The following DNA2 variants were observed in gnomAD, a reference collection of about 807,000 sequenced individuals.
DNA2 encodes the protein DNA replication helicase/nuclease 2.
A neutral mutation model predicts 119.1 loss-of-function variants in DNA2; 101 were observed. The observed-to-expected ratio is 0.85, with a 90% CI of 0.72 to 1.00. DNA2 has a LOEUF of 1.00. Ranked by LOEUF, DNA2 falls within the 50% of genes least tolerant of loss-of-function variation. The pLI is 0.00. For synonymous variants in DNA2, 366 were observed against 424.4 expected (o/e 0.86, Z 1.69); for missense variants, 1,121 against 1,255.5 (o/e 0.89, Z 1.62).
chr10:68,459,861 T>A (rs533151307), intron 4 of DNA2, among the ~76,000 whole-genome samples: 11 of 152,140 alleles, frequency 7.2e-5, no homozygotes, highest in Non-Finnish European at 1.3e-4. Flanking sequence ...ACGCTGTCTC[T>A]ACTAAAAACA....
At chr10:68,469,283 C>T (rs965552727) in intron 2 of DNA2, among the ~76,000 whole-genome samples, 14 of 150,498 alleles carry the variant, frequency 9.3e-5, no homozygotes, top group South Asian at 2.1e-4. Context: ...CGGTGGCTCA[C>T]GCCTGTAATC....
At chr10:68,451,280 A>G (rs10998177) in intron 5 of DNA2, among the ~76,000 whole-genome samples, 13,512 of 152,024 alleles carry the variant, frequency 0.089, 925 homozygotes, top group South Asian at 0.24. Context: ...GTCTCCCACT[A>G]TCAATATTTA....
chr10:68,416,774 C>A lies in DNA2; in HGVS notation c.3049G>T (p.Val1017Leu). Residue 1017 changes from valine (V) to leucine (L), a missense_variant, in exon 20 of 21, where the codon GTG becomes TTG. Coordinates refer to ENST00000358410, the MANE Select transcript of DNA2 (RefSeq NM_001080449.3). Reference protein sequence around the residue: ...AKHKLILLGCVPSLNCYPPLE... With the variant: ...AKHKLILLGCLPSLNCYPPLE... ...GGAGGATAGCAATTTAGTGAGGGCA[C>A]ACACCCCAGAAGAATCAGTTTATGT... 1 of 1,613,868 alleles carries A rather than the reference C, an allele frequency of 6.2e-7. No homozygotes were observed.
Position 68,442,969 on chromosome 10 carries a change from T to G in DNA2, c.1363A>C (p.Lys455Gln), listed in dbSNP as rs941410157. 2 of 1,612,692 alleles carry G rather than the reference T, an allele frequency of 1.2e-6. No homozygotes were observed. Among genetic ancestry groups the G allele is most frequent in the Non-Finnish European group, 1.7e-6 (2 of 1,179,540 alleles). The change falls in exon 9 of 21, where the codon AAG becomes CAG. Residue 455 changes from lysine (K) to glutamine (Q), a missense_variant. By Grantham distance (53) the Lys-to-Gln change is moderately conservative. Coordinates refer to ENST00000358410, the MANE Select transcript of DNA2 (RefSeq NM_001080449.3). ...TTTTGGTGATTCTTTTTATTATCCT[T>G]CGATTGTGACTCCAGGGTTAACATT... is the stretch of plus-strand genomic sequence containing the variant. The part of the protein sequence containing the change: ...CLMLTLESQS[K>Q]DNKKNHQNIW...
chr10:68,419,134 C>T lies in DNA2; in HGVS notation c.2867G>A (p.Arg956His), dbSNP rs747301191. 11 of 1,613,152 alleles carry T rather than the reference C, an allele frequency of 6.8e-6. No individual in the cohort carries two copies. The East Asian group carries it at 1.6e-4, about 23-fold the overall frequency. The change falls in exon 19 of 21, where the codon CGT becomes CAT. Residue 956 changes from arginine (R) to histidine (H), a missense_variant. Coordinates refer to ENST00000358410, the MANE Select transcript of DNA2 (RefSeq NM_001080449.3). ...QLKIINDLLARSIGMVEVNTV... is the reference protein window; with the variant it reads ...QLKIINDLLAHSIGMVEVNTV... ...ATTAACTTCGACCATCCCAATAGAACGTGCCAATAAATCATTGATGATCTT... is the reference window on the plus strand; with the variant it reads ...ATTAACTTCGACCATCCCAATAGAATGTGCCAATAAATCATTGATGATCTT...
At chr10:68,467,898 C>T (rs2052345231) in intron 3 of DNA2, among the ~76,000 whole-genome samples, 1 of 152,134 alleles carries the variant, frequency 6.6e-6, no homozygotes, top group Admixed American at 6.6e-5. Context: ...ATTCGAAGGA[C>T]TCAGGCACCT....
intron 4 of DNA2, among the ~76,000 whole-genome samples, chr10:68,465,389 C>T (rs1564898234): frequency 6.6e-6 from 1 of 152,098 alleles, no homozygotes; most frequent in Non-Finnish European, 1.5e-5. Context: ...CACACTGTTT[C>T]TAGAACTAAT....
chr10:68,438,944 A>T (rs900738644), intron 9 of DNA2, among the ~76,000 whole-genome samples: 4 of 150,704 alleles, frequency 2.7e-5, no homozygotes, highest in African/African-American at 9.7e-5. Flanking sequence ...GAGGCAGGAG[A>T]ATCACTTGAA....
In DNA2 at chr10:68,432,100, G is replaced by T. The variant is rs933127553; in HGVS notation, c.1873+106C>A. On this transcript the variant is annotated intron_variant, in intron 12 of 20. Transcript: ENST00000358410. ...TACAAAACCATTTCCAAAGAGTCTT[G>T]GTCTAAACATTGTAGTTGCAAGTCT... 27 of 1,104,400 alleles carry T rather than the reference G, an allele frequency of 2.4e-5. No individual in the cohort carries two copies. The African/African-American group carries it at 3.6e-4, about 15-fold the overall frequency. 68.4% of individuals were successfully genotyped at this position (1,104,400 alleles called of 1,614,324 possible).
At chr10:68,432,964 G>C (rs1468025374) in intron 10 of DNA2, among the ~76,000 whole-genome samples, 1 of 151,926 alleles carries the variant, frequency 6.6e-6, no homozygotes, top group Non-Finnish European at 1.5e-5. Flanking sequence ...TTGCTCCAGG[G>C]TCCCAGGCCC....
rs546462045 is a variant in DNA2, at chr10:68,450,607, T to C, written c.720-360A>G. Among the ~76,000 whole-genome samples, 4 of 152,322 alleles carry C rather than the reference T, an allele frequency of 2.6e-5. No homozygotes were observed. In the East Asian group the frequency reaches 7.7e-4, roughly 29 times the overall value. On this transcript the variant is annotated intron_variant, in intron 5 of 20. Coordinates refer to ENST00000358410, the MANE Select transcript of DNA2 (RefSeq NM_001080449.3). ...AGTCTTTCTTGGTATTTATCATCTGTTCCTTTCAGTCATTCCTACTATAAT... is the reference window on the plus strand; with the variant it reads ...AGTCTTTCTTGGTATTTATCATCTGCTCCTTTCAGTCATTCCTACTATAAT...
chr10:68,441,754 G>A (rs2051971529), intron 9 of DNA2, among the ~76,000 whole-genome samples: 1 of 152,026 alleles, frequency 6.6e-6, no homozygotes, highest in South Asian at 2.1e-4. Flanking sequence ...CAGCCTGGGT[G>A]ACAGAGTGAG....
intron 10 of DNA2, among the ~76,000 whole-genome samples, chr10:68,434,475 C>G (rs865900218): frequency 6.6e-6 from 1 of 151,672 alleles, no homozygotes; most frequent in African/African-American, 2.4e-5. Flanking sequence ...TAGTGAGACC[C>G]CCCCCATCTC....
At chr10:68,442,707 T>C (rs2051986078) in intron 9 of DNA2, among the ~76,000 whole-genome samples, 1 of 152,240 alleles carries the variant, frequency 6.6e-6, no homozygotes, top group African/African-American at 2.4e-5. Flanking sequence ...TGAAACTATA[T>C]TACTAACTAG....
At chr10:68,467,207 G>C (rs1000764706) in intron 3 of DNA2, among the ~76,000 whole-genome samples, 17 of 151,876 alleles carry the variant, frequency 1.1e-4, no homozygotes, top group African/African-American at 3.9e-4. Flanking sequence ...TCCGCCTCCA[G>C]GGTTCAAGCA....
At chr10:68,469,337 G>A (rs2052360343) in intron 2 of DNA2, among the ~76,000 whole-genome samples, 1 of 149,946 alleles carries the variant, frequency 6.7e-6, no homozygotes, top group Non-Finnish European at 1.5e-5. Flanking sequence ...CGAGGTCAGG[G>A]GATTCGAGAC....
At position 68,415,109 on chromosome 10, in the gene DNA2, T is replaced by A; in HGVS notation, c.3115-2A>T. On this transcript the variant is annotated splice_acceptor_variant, in intron 20 of 20. Transcript: ENST00000358410. LOFTEE classifies it high-confidence loss of function. ...TTCTCTTGATGGAAGATCAATGATG[T>A]AAAATAAATTAAGGAAGAAATATTT... is the stretch of plus-strand genomic sequence containing the variant. The A allele has an allele frequency of 6.5e-7, 1 of 1,537,020 alleles. No individual in the cohort carries two copies. Among genetic ancestry groups the A allele is most frequent in the Non-Finnish European group, 8.9e-7 (1 of 1,128,794 alleles).
At chr10:68,469,390 CAAAAAA>C (rs71019005) in intron 2 of DNA2, among the ~76,000 whole-genome samples, 17,755 of 76,180 alleles carry the variant, frequency 0.23, 1,072 homozygotes, top group East Asian at 0.36. Flanking sequence ...ACTAAAAATA[CAAAAAA>C]AAAAAAAAAA....
Position 68,416,697 on chromosome 10 carries a change from G to T in DNA2, c.3114+12C>A, listed in dbSNP as rs939056222. On this transcript the variant is annotated intron_variant, in intron 20 of 20. Coordinates refer to ENST00000358410, the MANE Select transcript of DNA2 (RefSeq NM_001080449.3). Reference sequence around the variant, plus strand: ...CAATCAAATGTGACCATATACAGAAGAAAAAGGATATTAATTTTTCTGAGT... The same window carrying T: ...CAATCAAATGTGACCATATACAGAATAAAAAGGATATTAATTTTTCTGAGT... 6.2e-7 allele frequency: 1 copy of T among 1,609,278 alleles called. No homozygotes were observed. Among genetic ancestry groups the T allele is most frequent in the Non-Finnish European group, 8.5e-7 (1 of 1,175,894 alleles).
Sources: allele counts gnomAD v4.1 joint callset (sites outside exome capture counted in the v4.1 genomes callset), GRCh38; gene constraint gnomAD v4.1.1; transcripts MANE v1.5; gene names NCBI Gene and HGNC (gene_info 2026-07-23, HGNC 2026-07-21).